SAMMSON: variants seen among roughly 807,000 people sequenced by gnomAD.
SAMMSON encodes the protein survival associated mitochondrial melanoma specific oncogenic non-coding RNA.
intron 4 of SAMMSON, among the ~76,000 whole-genome samples, chr3:70,118,961 A>T (rs996860470): frequency 1.8e-4 from 28 of 152,154 alleles, no homozygotes; most frequent in African/African-American, 6.3e-4. Context: ...TTCCAGCTAC[A>T]CTTAGCAACT....
chr3:70,372,988 A>T (rs1184488105), intron 9 of SAMMSON, among the ~76,000 whole-genome samples: 1 of 152,180 alleles, frequency 6.6e-6, no homozygotes, highest in Admixed American at 6.5e-5. Context: ...TTAAAACTTC[A>T]TTAAACAATG....
At chr3:70,097,807 A>G (rs1443852255) in intron 4 of SAMMSON, among the ~76,000 whole-genome samples, 1 of 152,166 alleles carries the variant, frequency 6.6e-6, no homozygotes, top group African/African-American at 2.4e-5. Context: ...CAAAACCCAG[A>G]ACCGGGAGAT....
intron 2 of SAMMSON, among the ~76,000 whole-genome samples, chr3:70,432,887 A>G (rs532297818): frequency 6.6e-6 from 1 of 152,142 alleles, no homozygotes; most frequent in Non-Finnish European, 1.5e-5. Context: ...TGCCTTTTTC[A>G]GTATGTCATA....
intron 3 of SAMMSON, among the ~76,000 whole-genome samples, chr3:70,045,144 TATATATTAATTATAATATATTATAATTTA>T: frequency 7.6e-6 from 1 of 131,302 alleles, no homozygotes; most frequent in Non-Finnish European, 1.6e-5. Context: ...TTATAATTTA[TATATATTAATTATAATATATTATAATTTA>T]TATATATCGT....
intron 2 of SAMMSON, among the ~76,000 whole-genome samples, chr3:70,427,567 G>C (rs1323751736): frequency 1.3e-5 from 2 of 151,912 alleles, no homozygotes; most frequent in African/African-American, 2.4e-5. Context: ...GTGAAACCCC[G>C]TCTCTACTAA....
At chr3:70,302,583 T>C (rs1173802586) in intron 7 of SAMMSON, 1 of 152,172 alleles carries the variant, frequency 6.6e-6, no homozygotes, top group Non-Finnish European at 1.5e-5. Context: ...TTTCTTGAAA[T>C]TTCTAGTTAT....
At chr3:70,427,010 G>A (rs866923319) in intron 2 of SAMMSON, among the ~76,000 whole-genome samples, 1 of 152,294 alleles carries the variant, frequency 6.6e-6, no homozygotes, top group Middle Eastern at 3.4e-3. Context: ...ATACAATAAA[G>A]ATATTGATAG....
intron 7 of SAMMSON, among the ~76,000 whole-genome samples, chr3:70,303,684 T>A (rs1702371561): frequency 6.6e-6 from 1 of 152,148 alleles, no homozygotes. Flanking sequence ...AGTTCTTTAT[T>A]TTATTTTATT....
At position 70,193,099 on chromosome 3, in the gene SAMMSON, T is replaced by C. The variant is rs75676606; in HGVS notation, n.508-56008T>C. Among the ~76,000 whole-genome samples the C allele has an allele frequency of 6.8e-3, 1,028 of 152,220 alleles. 60 individuals carry two copies. The East Asian group carries it at 0.15, about 22-fold the overall frequency. ...TTGAGAACCACTGCTTTAGAGGCAG[T>C]GGCAAAAGCAGAGCTGTGAAGCATA... On this transcript the variant is annotated intron_variant and non_coding_transcript_variant, in intron 4 of 9. Coordinates refer to ENST00000642114, the Ensembl canonical transcript of SAMMSON.
At chr3:70,176,085 T>G (rs1195872396) in intron 4 of SAMMSON, among the ~76,000 whole-genome samples, 1 of 152,142 alleles carries the variant, frequency 6.6e-6, no homozygotes, top group African/African-American at 2.4e-5. Flanking sequence ...GTTCACTAAA[T>G]TCACCAAGAC....
Position 70,408,280 on chromosome 3 carries a change from G to A in SAMMSON, n.233+49956G>A, listed in dbSNP as rs60863412. On this transcript the variant is annotated intron_variant and non_coding_transcript_variant, in intron 2 of 3. Transcript: ENST00000641053. ...CTTGGGGATTAACATTCAGCTCCTC[G>A]TTGCTTATGCAAATATCTGCAACCA... 3.8e-3 allele frequency among the ~76,000 whole-genome samples: 579 copies of A among 152,328 alleles called. 4 individuals carry two copies. The highest frequency in any genetic ancestry group is 0.013 in the African/African-American group (556 of 41,576).
intron 4 of SAMMSON, among the ~76,000 whole-genome samples, chr3:70,207,357 A>G (rs1352116496): frequency 1.3e-5 from 2 of 152,078 alleles, no homozygotes; most frequent in East Asian, 1.9e-4. Flanking sequence ...TTAAGTTCCT[A>G]TTCAGGTGAT....
chr3:70,025,816 A>G (rs184502849), intron 3 of SAMMSON, among the ~76,000 whole-genome samples: 126 of 152,326 alleles, frequency 8.3e-4, no homozygotes, highest in Non-Finnish European at 1.1e-3. Context: ...TTCGTACAAT[A>G]AAGTAAGCTA....
chr3:70,212,021 T>C (rs547467594), intron 4 of SAMMSON, among the ~76,000 whole-genome samples: 65 of 152,116 alleles, frequency 4.3e-4, no homozygotes, highest in African/African-American at 1.6e-3. Flanking sequence ...CTTAAGACTT[T>C]GTCCTCTTAG....
At chr3:70,387,407 T>G (rs1026003950) in intron 9 of SAMMSON, among the ~76,000 whole-genome samples, 2 of 152,098 alleles carry the variant, frequency 1.3e-5, no homozygotes, top group Non-Finnish European at 2.9e-5. Flanking sequence ...TGATGGTGTT[T>G]GTAATAGTAA....
At chr3:70,139,745 A>C (rs2106679780) in intron 4 of SAMMSON, among the ~76,000 whole-genome samples, 1 of 152,234 alleles carries the variant, frequency 6.6e-6, no homozygotes, top group South Asian at 2.1e-4. Flanking sequence ...TGTGATTTTA[A>C]GTATAGCCTT....
chr3:70,313,202 G>A (rs892684425), intron 7 of SAMMSON, among the ~76,000 whole-genome samples: 6 of 152,222 alleles, frequency 3.9e-5, no homozygotes, highest in Non-Finnish European at 7.4e-5. Flanking sequence ...GGTGGCTCAC[G>A]CCTGTAATCC....
chr3:70,173,961 C>T (rs1317821698), intron 4 of SAMMSON, among the ~76,000 whole-genome samples: 1 of 151,904 alleles, frequency 6.6e-6, no homozygotes, highest in Non-Finnish European at 1.5e-5. Flanking sequence ...GGATAGGAAT[C>T]TGAATGGCTG....
chr3:70,355,160 A>G (rs541479898), intron 8 of SAMMSON, among the ~76,000 whole-genome samples: 21 of 152,270 alleles, frequency 1.4e-4, no homozygotes, highest in African/African-American at 5.1e-4. Context: ...AACAGCTGCT[A>G]AGAGAAGATC....
Sources: allele counts gnomAD v4.1 joint callset (sites outside exome capture counted in the v4.1 genomes callset), GRCh38; gene constraint gnomAD v4.1.1; transcripts MANE v1.5; gene names NCBI Gene and HGNC (gene_info 2026-07-23, HGNC 2026-07-21).